KATNIP: variants seen among roughly 807,000 people sequenced by gnomAD.
The protein encoded by KATNIP is katanin-interacting protein.
In KATNIP, 126 loss-of-function variants were observed where a neutral mutation model predicts 174.0. That is an observed-to-expected ratio of 0.72 (90% CI 0.63 to 0.84). KATNIP has a LOEUF of 0.84. KATNIP is among the 40% of genes least tolerant of loss of function. The pLI, the probability that KATNIP is intolerant of heterozygous loss-of-function variation, is 0.00. For synonymous variants in KATNIP, 810 were observed against 835.7 expected, an observed-to-expected ratio of 0.97 and a Z score of 0.53; for missense variants, 1,958 against 2,109.7, an observed-to-expected ratio of 0.93 and a Z score of 1.41.
chr16:27,635,350 C>A (rs1269330336), intron 5 of KATNIP, among the ~76,000 whole-genome samples: 2 of 152,080 alleles, frequency 1.3e-5, no homozygotes, highest in Non-Finnish European at 1.5e-5. Flanking sequence ...GGCTTTCTGG[C>A]CTCTACCCCA....
chr16:27,575,594 A>G (rs907836392), intron 2 of KATNIP, among the ~76,000 whole-genome samples: 1 of 152,204 alleles, frequency 6.6e-6, no homozygotes, highest in Non-Finnish European at 1.5e-5. Context: ...CAGGGCCTCA[A>G]AAATGGCAAG....
At chr16:27,745,284 G>T (rs2081248939) in intron 15 of KATNIP, among the ~76,000 whole-genome samples, 1 of 152,200 alleles carries the variant, frequency 6.6e-6, no homozygotes. Flanking sequence ...AAGTTGGCAG[G>T]AACCAAGGAC....
At chr16:27,725,215 T>C (rs2080395481) in intron 14 of KATNIP, among the ~76,000 whole-genome samples, 1 of 152,206 alleles carries the variant, frequency 6.6e-6, no homozygotes, top group South Asian at 2.1e-4. Context: ...AATGAATAAC[T>C]GAACAAATGA....
At chr16:27,714,836 A>G (rs1567338575) in intron 13 of KATNIP, among the ~76,000 whole-genome samples, 2 of 152,224 alleles carry the variant, frequency 1.3e-5, no homozygotes, top group African/African-American at 4.8e-5. Flanking sequence ...TCCCCTGTTC[A>G]TGGATCAGAA....
intron 6 of KATNIP, among the ~76,000 whole-genome samples, chr16:27,659,306 G>C (rs2077393786): frequency 6.6e-6 from 1 of 152,060 alleles, no homozygotes; most frequent in African/African-American, 2.4e-5. Flanking sequence ...GAGGCCAGAA[G>C]TTGCAGATTA....
intron 13 of KATNIP, chr16:27,709,123 A>G (rs2079455096): frequency 2.0e-6 from 1 of 507,204 alleles, no homozygotes; most frequent in Non-Finnish European, 3.5e-6. Context: ...GTTCAAGACC[A>G]GCCTGGGCAA....
At chr16:27,671,526 T>G (rs2077903206) in intron 6 of KATNIP, among the ~76,000 whole-genome samples, 1 of 152,228 alleles carries the variant, frequency 6.6e-6, no homozygotes, top group Non-Finnish European at 1.5e-5. Context: ...TACTTAGGAC[T>G]AAAGGATACA....
intron 6 of KATNIP, 96 bp from the exon 7 acceptor site, chr16:27,677,633 G>T: frequency 8.1e-7 from 1 of 1,238,672 alleles, no homozygotes. Context: ...TGTTAGTTTG[G>T]GGAGAATAAT....
intron 5 of KATNIP, among the ~76,000 whole-genome samples, chr16:27,645,502 A>G (rs2076932493): frequency 6.6e-6 from 1 of 152,238 alleles, no homozygotes; most frequent in African/African-American, 2.4e-5. Flanking sequence ...AGAGTGGGTT[A>G]GCAAGTGGGA....
At position 27,708,878 on chromosome 16, in the gene KATNIP, C is replaced by T. The variant is rs749508012; in HGVS notation, c.1563C>T (p.Ala521=). The change falls in exon 13 of 28, where the codon GCC becomes GCT. Residue 521 remains alanine (A), a synonymous_variant. Transcript: ENST00000261588. ...SPHDVDIRNT[A]TPGELGRLVN... ...ACGATGTGGATATCCGGAACACAGCCACGCCTGGGGAGCTGGGCCGCCTCG... is the reference window on the plus strand; with the variant it reads ...ACGATGTGGATATCCGGAACACAGCTACGCCTGGGGAGCTGGGCCGCCTCG... 3.7e-6 allele frequency: 6 copies of T among 1,613,738 alleles called. No individual in the cohort carries two copies. Among genetic ancestry groups the T allele is most frequent in the Non-Finnish European group, 5.1e-6 (6 of 1,180,020 alleles).
intron 1 of KATNIP, among the ~76,000 whole-genome samples, chr16:27,558,161 T>G (rs1412386184): frequency 6.6e-6 from 1 of 152,208 alleles, no homozygotes; most frequent in Non-Finnish European, 1.5e-5. Context: ...GTTTTTTTGT[T>G]TTTAGATAGA....
At chr16:27,645,909 C>G (rs978934474) in intron 5 of KATNIP, among the ~76,000 whole-genome samples, 2 of 152,168 alleles carry the variant, frequency 1.3e-5, no homozygotes, top group Non-Finnish European at 2.9e-5. Flanking sequence ...GGGCCCCCAG[C>G]AATGTGACCG....
chr16:27,657,181 G>A (rs2077324770), intron 6 of KATNIP, among the ~76,000 whole-genome samples: 1 of 152,018 alleles, frequency 6.6e-6, no homozygotes, highest in Admixed American at 6.6e-5. Context: ...AGGCATGAGG[G>A]GCTGTGCATA....
At chr16:27,656,039 A>G (rs569195113) in intron 6 of KATNIP, among the ~76,000 whole-genome samples, 69 of 152,320 alleles carry the variant, frequency 4.5e-4, no homozygotes, top group African/African-American at 1.5e-3. Flanking sequence ...TGGATGAAAA[A>G]TGTTTTTCAA....
chr16:27,685,068 C>T (rs1204013663), intron 8 of KATNIP, among the ~76,000 whole-genome samples: 1 of 152,140 alleles, frequency 6.6e-6, no homozygotes, highest in Non-Finnish European at 1.5e-5. Context: ...GTTTTATATA[C>T]AGTGAGTAGT....
intron 1 of KATNIP, among the ~76,000 whole-genome samples, chr16:27,560,659 C>T (rs1211584530): frequency 1.3e-5 from 2 of 152,210 alleles, no homozygotes; most frequent in African/African-American, 4.8e-5. Context: ...CACTTCCACA[C>T]TGTAAATTGC....
intron 2 of KATNIP, among the ~76,000 whole-genome samples, chr16:27,608,399 C>CTTTTTTTTTTTTTTTTTTTTT (rs11374534): frequency 1.0e-5 from 1 of 97,558 alleles, no homozygotes; most frequent in African/African-American, 4.1e-5. Flanking sequence ...ACTGGTGAAT[C>CTTTTTTTTTTTTTTTTTTTTT]TTTTTTTTTT....
At chr16:27,760,361 T>C (rs940665877) in intron 18 of KATNIP, among the ~76,000 whole-genome samples, 4 of 152,190 alleles carry the variant, frequency 2.6e-5, no homozygotes, top group Admixed American at 1.3e-4. Context: ...CAGCCAATTA[T>C]CTGACAGGGC....
intron 14 of KATNIP, among the ~76,000 whole-genome samples, chr16:27,732,133 G>A (rs1487361835): frequency 6.6e-6 from 1 of 152,162 alleles, no homozygotes; most frequent in Admixed American, 6.5e-5. Flanking sequence ...TGAGCTAAAC[G>A]AGCATGGTTT....
Sources: gnomAD v4.1 joint callset for allele counts (sites outside exome capture counted in the v4.1 genomes callset) on GRCh38, gnomAD v4.1.1 for gene constraint, MANE v1.5 for transcripts, NCBI Gene and HGNC (gene_info 2026-07-23, HGNC 2026-07-21) for gene names.